Variants in ABCA13 observed in about 807,000 individuals in gnomAD.
The protein encoded by ABCA13 is ATP-binding cassette sub-family A member 13.
ABCA13 carries 476 observed loss-of-function variants against 478.7 expected under a neutral mutation model. That is an observed-to-expected ratio of 0.99 (90% CI 0.92 to 1.07). The LOEUF (loss-of-function observed/expected upper bound fraction) is 1.07. Ranked by LOEUF, ABCA13 falls within the 50% of genes least tolerant of loss-of-function variation. The pLI is 0.00. For synonymous variants in ABCA13, 2,252 were observed against 2,158.9 expected (o/e 1.04, Z -1.20); for missense variants, 6,060 against 5,910.6 (o/e 1.03, Z -0.83).
intron 3 of ABCA13, among the ~76,000 whole-genome samples, chr7:48,198,729 T>G (rs77947602): frequency 0.044 from 6,719 of 152,318 alleles, 385 homozygotes; most frequent in African/African-American, 0.13. Flanking sequence ...ACCTACTGGG[T>G]TTTTTCTCCT....
At chr7:48,231,275 G>A (rs1236719200) in intron 7 of ABCA13, among the ~76,000 whole-genome samples, 1 of 151,888 alleles carries the variant, frequency 6.6e-6, no homozygotes, top group Non-Finnish European at 1.5e-5. Flanking sequence ...AAAAAACAAA[G>A]ACCACAGAGT....
At chr7:48,224,922 T>C (rs960964108) in intron 5 of ABCA13, among the ~76,000 whole-genome samples, 3 of 152,180 alleles carry the variant, frequency 2.0e-5, no homozygotes, top group Admixed American at 2.0e-4. Flanking sequence ...TATATACAAG[T>C]CCTTGTTGCA....
intron 1 of ABCA13, among the ~76,000 whole-genome samples, chr7:48,182,716 A>G (rs557870758): frequency 2.4e-4 from 37 of 152,346 alleles, no homozygotes; most frequent in African/African-American, 8.9e-4. Flanking sequence ...TCAGTATCCA[A>G]CTAACTAAAA....
chr7:48,377,338 A>T (rs1189740017), intron 35 of ABCA13, among the ~76,000 whole-genome samples: 2 of 152,188 alleles, frequency 1.3e-5, no homozygotes, highest in Admixed American at 1.3e-4. Flanking sequence ...TTTTTTAGAG[A>T]TAACACTTTG....
intron 55 of ABCA13, among the ~76,000 whole-genome samples, chr7:48,548,066 A>C (rs1335157225): frequency 1.3e-5 from 2 of 151,938 alleles, no homozygotes; most frequent in Non-Finnish European, 2.9e-5. Flanking sequence ...AACAAGGTTG[A>C]TGCATAGCTA....
At chr7:48,183,755 CA>C (rs1796010383) in intron 1 of ABCA13, among the ~76,000 whole-genome samples, 1 of 152,216 alleles carries the variant, frequency 6.6e-6, no homozygotes, top group African/African-American at 2.4e-5. Context: ...TGAGTGAAAG[CA>C]CTTATTTTTA....
intron 3 of ABCA13, among the ~76,000 whole-genome samples, chr7:48,215,562 C>T (rs1383209562): frequency 6.6e-6 from 1 of 152,044 alleles, no homozygotes; most frequent in Non-Finnish European, 1.5e-5. Flanking sequence ...TGCCATGAAC[C>T]TTCAATTTGT....
At chr7:48,482,052 T>G (rs930181482) in intron 46 of ABCA13, among the ~76,000 whole-genome samples, 1 of 152,184 alleles carries the variant, frequency 6.6e-6, no homozygotes, top group Non-Finnish European at 1.5e-5. Context: ...TATATTTTTT[T>G]AAATGTTAAC....
chr7:48,643,308 T>G lies in ABCA13; in HGVS notation c.14858T>G (p.Val4953Gly). The change falls in exon 60 of 62, where the codon GTC (valine) becomes GGC (glycine). Residue 4953 changes from valine to glycine, a missense_variant. Val to Gly is a moderately radical substitution (Grantham distance 109). Coordinates refer to ENST00000435803, the MANE Select transcript of ABCA13 (RefSeq NM_152701.5). ...IKNRFGDGYT[V>G]KVWLCKEANQ... is the part of the protein sequence containing the mutation. ...CTCAGGTTTGGTGATGGTTATACAG[T>G]CAAAGTTTGGCTCTGTAAGGAAGCA... The G allele has an allele frequency of 1.9e-6, 3 of 1,611,522 alleles. No individual in the cohort carries two copies. Among genetic ancestry groups the G allele is most frequent in the East Asian group, 4.5e-5 (2 of 44,840 alleles).
intron 55 of ABCA13, among the ~76,000 whole-genome samples, chr7:48,557,220 A>T (rs917847316): frequency 1.3e-5 from 2 of 152,084 alleles, no homozygotes; most frequent in African/African-American, 4.8e-5. Flanking sequence ...ACTTGATAAG[A>T]GTAGTTTACA....
intron 50 of ABCA13, among the ~76,000 whole-genome samples, chr7:48,510,169 G>A (rs192256051): frequency 9.1e-4 from 36 of 39,720 alleles, no homozygotes; most frequent in South Asian, 4.3e-3. Flanking sequence ...AAATAAATGC[G>A]CAGGATACAG....
At position 48,278,572 on chromosome 7, in the gene ABCA13, A is replaced by T. The variant is rs776757258; in HGVS notation, c.7378A>T (p.Ile2460Leu). ...LANLTDLLFF[I>L]NNSFPLRNRA... ...TAATCTAACGGATTTGCTTTTCTTT[A>T]TAAATAATTCATTCCCTCTAAGAAA... is the stretch of plus-strand genomic sequence containing the variant. The change falls in exon 18 of 62, where the codon ATA (isoleucine) becomes TTA (leucine). Residue 2460 changes from isoleucine to leucine, a missense_variant. Around this residue, in one of 3 missense-constraint regions of ABCA13, gnomAD observed 4,423 missense variants for 4,309.1 expected, o/e 1.03. Coordinates refer to ENST00000435803, the MANE Select transcript of ABCA13 (RefSeq NM_152701.5). The T allele has an allele frequency of 6.2e-7, 1 of 1,613,936 alleles. No homozygotes were observed. Among genetic ancestry groups the T allele is most frequent in the Non-Finnish European group, 8.5e-7 (1 of 1,179,858 alleles).
intron 56 of ABCA13, among the ~76,000 whole-genome samples, chr7:48,580,956 T>A (rs573650343): frequency 9.2e-5 from 14 of 151,952 alleles, no homozygotes; most frequent in African/African-American, 2.9e-4. Flanking sequence ...GGTGGAGCAG[T>A]GAGAGAGCAA....
chr7:48,499,858 A>G (rs796834740), intron 48 of ABCA13, among the ~76,000 whole-genome samples: 6 of 152,324 alleles, frequency 3.9e-5, no homozygotes, highest in African/African-American at 1.4e-4. Flanking sequence ...TTCTATCACA[A>G]TACAATTGTT....
chr7:48,288,369 A>G (rs1264349560), intron 20 of ABCA13, among the ~76,000 whole-genome samples: 1 of 152,220 alleles, frequency 6.6e-6, no homozygotes, highest in African/African-American at 2.4e-5. Flanking sequence ...TAAATAAATT[A>G]TATAAACTTA....
rs914965480 is a variant in ABCA13 at position 48,535,606 on chromosome 7, G to A, written c.14354+7261G>A. ...ATGTGCTTTATCTTCAGCTACCAGG[G>A]CAGGTAGAGAAGGACCATCAGATGG... On this transcript the variant is annotated intron_variant, in intron 55 of 61. Coordinates refer to ENST00000435803, the MANE Select transcript of ABCA13 (RefSeq NM_152701.5). Among the ~76,000 whole-genome samples the A allele has an allele frequency of 2.0e-5, 3 of 152,132 alleles. No homozygotes were observed. The East Asian group carries it at 5.8e-4, about 29-fold the overall frequency.
At chr7:48,518,120 A>T (rs192870162) in intron 52 of ABCA13, among the ~76,000 whole-genome samples, 18 of 152,312 alleles carry the variant, frequency 1.2e-4, no homozygotes, top group African/African-American at 4.1e-4. Context: ...ATTGACACTG[A>T]TTTATATTAA....
At chr7:48,629,420 G>A (rs1427446581) in intron 59 of ABCA13, among the ~76,000 whole-genome samples, 4 of 152,056 alleles carry the variant, frequency 2.6e-5, no homozygotes, top group African/African-American at 9.7e-5. Context: ...CTTACTCTGA[G>A]TTCAAACTAT....
chr7:48,539,151 C>G (rs185153174), intron 55 of ABCA13, among the ~76,000 whole-genome samples: 1 of 151,954 alleles, frequency 6.6e-6, no homozygotes, highest in African/African-American at 2.4e-5. Flanking sequence ...GAGGCTGTGG[C>G]GGGCGAATTG....
Sources: allele counts gnomAD v4.1 joint callset (sites outside exome capture counted in the v4.1 genomes callset), GRCh38; gene constraint gnomAD v4.1.1; regional missense constraint gnomAD v4.1.1; transcripts MANE v1.5; gene names NCBI Gene and HGNC (gene_info 2026-07-23, HGNC 2026-07-21).